The following TYW1B variants were observed in gnomAD, a reference collection of about 807,000 sequenced individuals.
TYW1B encodes the protein S-adenosyl-L-methionine-dependent tRNA 4-demethylwyosine synthase TYW1B.
TYW1B carries 73 observed loss-of-function variants against 86.9 expected under a neutral mutation model. That is an observed-to-expected ratio of 0.84 (90% confidence interval 0.70 to 1.02). The LOEUF is 1.02. Among genes scored for constraint, TYW1B ranks in the 50% least tolerant of loss-of-function variants. The probability of loss-of-function intolerance (pLI) is 0.00; values close to 1 mark genes in which losing one functional copy is unlikely to be tolerated. For synonymous variants in TYW1B, 248 were observed against 292.8 expected (o/e 0.85, Z 1.56); for missense variants, 637 against 827.4 (o/e 0.77, Z 2.82).
At chr7:72,645,428 A>C (rs1317224395) in intron 11 of TYW1B, among the ~76,000 whole-genome samples, 11 of 152,214 alleles carry the variant, frequency 7.2e-5, no homozygotes, top group African/African-American at 2.7e-4. Flanking sequence ...CAGCAATTCC[A>C]CTTCCAAATA....
At chr7:72,577,417 C>A (rs1357201706) in intron 13 of TYW1B, among the ~76,000 whole-genome samples, 1 of 152,084 alleles carries the variant, frequency 6.6e-6, no homozygotes, top group African/African-American at 2.4e-5. Flanking sequence ...ACTCTACAAC[C>A]CAAGATGTAA....
At chr7:72,622,726 T>C (rs1315296273) in intron 12 of TYW1B, among the ~76,000 whole-genome samples, 3 of 147,608 alleles carry the variant, frequency 2.0e-5, no homozygotes, top group Non-Finnish European at 4.5e-5. Context: ...ACAACACACA[T>C]ACATGCACAC....
intron 11 of TYW1B, among the ~76,000 whole-genome samples, chr7:72,664,268 T>C (rs73702997): frequency 1.8e-3 from 279 of 152,250 alleles, no homozygotes; most frequent in African/African-American, 6.5e-3. Context: ...TTTTTCCAAA[T>C]TAATTTATTT....
chr7:72,603,485 A>G (rs1554434290), intron 13 of TYW1B, among the ~76,000 whole-genome samples: 3 of 152,232 alleles, frequency 2.0e-5, no homozygotes, highest in Non-Finnish European at 4.4e-5. Context: ...TCGGTATGGA[A>G]GAATTCCAAA....
rs376181127 is a variant in TYW1B at position 72,608,599 on chromosome 7, A to G, written c.1785+8073T>C. 5.2e-4 allele frequency among the ~76,000 whole-genome samples: 79 copies of G among 152,372 alleles called. 1 individual carries two copies. Among genetic ancestry groups the G allele is most frequent in the African/African-American group, 1.9e-3 (77 of 41,590 alleles). ...ATTCTAAAATAGATTGGCAGAGTAG[A>G]CTAAAAAAGTATGACAACTGTATGT... On this transcript the variant is annotated intron_variant, in intron 13 of 13. Transcript: ENST00000620995.
intron 3 of TYW1B, among the ~76,000 whole-genome samples, chr7:72,812,840 C>A (rs1272906662): frequency 6.6e-6 from 1 of 151,854 alleles, no homozygotes; most frequent in Non-Finnish European, 1.5e-5. Flanking sequence ...GGACTACAGG[C>A]GTGCACCACC....
chr7:72,768,068 G>A (rs1390066920), intron 7 of TYW1B, among the ~76,000 whole-genome samples: 3 of 152,002 alleles, frequency 2.0e-5, no homozygotes, highest in African/African-American at 7.2e-5. Context: ...TGGGCAACAT[G>A]ATGAAACCCT....
At chr7:72,642,463 T>C (rs529395711) in intron 11 of TYW1B, among the ~76,000 whole-genome samples, 115 of 152,304 alleles carry the variant, frequency 7.6e-4, no homozygotes, top group Non-Finnish European at 8.1e-4. Flanking sequence ...AAACATATAT[T>C]CACACTAAAA....
chr7:72,771,240 G>A (rs566228593), intron 7 of TYW1B, among the ~76,000 whole-genome samples: 1 of 152,220 alleles, frequency 6.6e-6, no homozygotes, highest in Non-Finnish European at 1.5e-5. Context: ...AGGATTACAG[G>A]CGTGAGCCAC....
At chr7:72,599,423 G>A (rs1309763124) in intron 13 of TYW1B, among the ~76,000 whole-genome samples, 2 of 152,102 alleles carry the variant, frequency 1.3e-5, no homozygotes, top group Non-Finnish European at 2.9e-5. Context: ...AAAGCCTTCC[G>A]CTAAGATCAT....
intron 6 of TYW1B, among the ~76,000 whole-genome samples, chr7:72,790,214 G>A (rs1465727128): frequency 4.6e-5 from 7 of 151,880 alleles, no homozygotes; most frequent in Middle Eastern, 3.2e-3. Flanking sequence ...CCAAAATGCT[G>A]GGATGACAGG....
chr7:72,761,504 T>A (rs1243317523), intron 7 of TYW1B, among the ~76,000 whole-genome samples: 1 of 151,656 alleles, frequency 6.6e-6, no homozygotes, highest in Admixed American at 6.6e-5. Context: ...GGTAGAAGGA[T>A]CACTTGAGGC....
chr7:72,821,688 G>C (rs1251581622), intron 2 of TYW1B, among the ~76,000 whole-genome samples: 1 of 152,144 alleles, frequency 6.6e-6, no homozygotes, highest in African/African-American at 2.4e-5. Flanking sequence ...TATTCTTAAA[G>C]TAGAACAAAC....
chr7:72,769,469 T>G (rs1554469134), intron 7 of TYW1B, among the ~76,000 whole-genome samples: 5 of 152,172 alleles, frequency 3.3e-5, no homozygotes. Flanking sequence ...GAAGAAAATC[T>G]AGAATATCTT....
At chr7:72,628,314 TAAATA>T (rs1328290194) in intron 12 of TYW1B, among the ~76,000 whole-genome samples, 1 of 152,098 alleles carries the variant, frequency 6.6e-6, no homozygotes, top group East Asian at 1.9e-4. Context: ...TGAAATAAAG[TAAATA>T]AAATAAGAGT....
intron 10 of TYW1B, among the ~76,000 whole-genome samples, chr7:72,703,008 ATATATATATATATATATATT>A (rs1431686357): frequency 7.0e-4 from 20 of 28,764 alleles, no homozygotes; most frequent in Non-Finnish European, 1.4e-3. Flanking sequence ...ATATATATAT[ATATATATATATATATATATT>A]TTTTTTTTTT....
chr7:72,666,805 G>C (rs1309127945), intron 11 of TYW1B, among the ~76,000 whole-genome samples: 2 of 151,976 alleles, frequency 1.3e-5, no homozygotes, highest in Admixed American at 6.6e-5. Flanking sequence ...ACCGAGGCGG[G>C]TGGATCACGA....
intron 6 of TYW1B, among the ~76,000 whole-genome samples, chr7:72,794,399 T>C (rs7797082): frequency 0.69 from 103,730 of 151,252 alleles, 36,469 homozygotes; most frequent in Non-Finnish European, 0.77. Flanking sequence ...CTACTAAAAT[T>C]ACAAAAATTA....
chr7:72,611,425 GT>G (rs1811929229), intron 13 of TYW1B, among the ~76,000 whole-genome samples: 1 of 152,038 alleles, frequency 6.6e-6, no homozygotes, highest in South Asian at 2.1e-4. Context: ...TCATGGGGTG[GT>G]TTCCCCCATG....
Sources: gnomAD v4.1 joint callset for allele counts (sites outside exome capture counted in the v4.1 genomes callset) on GRCh38, gnomAD v4.1.1 for gene constraint, MANE v1.5 for transcripts, NCBI Gene and HGNC (gene_info 2026-07-23, HGNC 2026-07-21) for gene names.